Variants in EMID1 observed in about 807,000 individuals in gnomAD.
EMID1 encodes the protein EMI domain containing 1.
Under a neutral mutation model 60.6 loss-of-function variants are expected in EMID1, and 40 were observed. The observed-to-expected ratio is 0.66, with a 90% CI of 0.51 to 0.86. The LOEUF is 0.86. EMID1 is among the 40% of genes least tolerant of loss of function. EMID1 has a pLI of 0.00. For missense variants in EMID1, 585 were observed against 597.1 expected, an observed-to-expected ratio of 0.98 and a Z score of 0.21; for synonymous variants, 242 against 231.0, an observed-to-expected ratio of 1.05 and a Z score of -0.43.
intron 6 of EMID1, 195 bp downstream of exon 6, chr22:29,231,335 A>ACCAAGCAGC (rs2146290191): frequency 2.2e-6 from 2 of 921,818 alleles, no homozygotes; most frequent in Admixed American, 5.0e-5. Context: ...GTCCCTGGAG[A>ACCAAGCAGC]CCAAGCAGCC....
Position 29,255,388 on chromosome 22 carries a change from C to A in EMID1, c.1204+1101C>A, listed in dbSNP as rs530365658. 1.2e-3 allele frequency: 1,760 copies of A among 1,411,040 alleles called. 5 individuals carry two copies. Among genetic ancestry groups the A allele is most frequent in the Non-Finnish European group, 1.5e-3 (1,577 of 1,064,986 alleles). The allele number at this position is 1,411,040 out of a possible 1,614,324, so 87.4% of individuals were successfully genotyped here. ...TAATGGCAGGGCGGGCAGGCAGGGG[C>A]AGCCTCTTCCAGGAAGGGCCTGGAA... On this transcript the variant is annotated intron_variant, in intron 14 of 14. Transcript: ENST00000334018.
chr22:29,247,997 A>G (rs1255867976), intron 13 of EMID1, among the ~76,000 whole-genome samples: 1 of 148,196 alleles, frequency 6.7e-6, no homozygotes, highest in Non-Finnish European at 1.5e-5. Flanking sequence ...AGAAAAGTAC[A>G]GTGGAGTACA....
chr22:29,233,422 C>G lies in EMID1; in HGVS notation c.867C>G (p.His289Gln), dbSNP rs772239627. 212 of 1,614,098 alleles carry G rather than the reference C, an allele frequency of 1.3e-4. 4 individuals are homozygous for G. In the South Asian group the frequency reaches 1.4e-3, roughly 11 times the overall value. Residue 289 changes from histidine to glutamine, a missense_variant, in exon 9 of 15, where the codon CAC becomes CAG. His to Gln is a conservative substitution (Grantham distance 24). Transcript: ENST00000334018. ...ACACCTTCACTGAGACCAACAACCA[C>G]TGGCCCCAGGGACCCACTGGGCCTC... ...LSNTFTETNN[H>Q]WPQGPTGPPG... is the part of the protein sequence containing the mutation.
At chr22:29,224,724 C>T (rs1421438964) in intron 3 of EMID1, among the ~76,000 whole-genome samples, 1 of 152,336 alleles carries the variant, frequency 6.6e-6, no homozygotes, top group South Asian at 2.1e-4. Context: ...TCAGGCCTCA[C>T]CCCAGCCTGG....
At chr22:29,230,482 C>T (rs754842260) in intron 5 of EMID1, among the ~76,000 whole-genome samples, 15 of 152,216 alleles carry the variant, frequency 9.9e-5, no homozygotes, top group Non-Finnish European at 2.2e-4. Flanking sequence ...TCACAAAGCT[C>T]AACTTTGATG....
intron 13 of EMID1, among the ~76,000 whole-genome samples, chr22:29,252,300 T>G (rs2041556966): frequency 6.6e-6 from 1 of 152,238 alleles, no homozygotes; most frequent in Admixed American, 6.5e-5. Flanking sequence ...TCACTCATGA[T>G]GGACATATTG....
At chr22:29,213,017 A>G (rs1479205810) in intron 1 of EMID1, among the ~76,000 whole-genome samples, 2 of 152,232 alleles carry the variant, frequency 1.3e-5, no homozygotes, top group East Asian at 1.9e-4. Context: ...GCTCCCAGAC[A>G]TGGCAGTTTG....
chr22:29,233,795 T>C (rs776227975), intron 10 of EMID1, 129 bp downstream of exon 10: 13 of 924,592 alleles, frequency 1.4e-5, no homozygotes, highest in Non-Finnish European at 2.1e-5. Context: ...CTTCCATTCA[T>C]TCATTCAACA....
At chr22:29,224,260 G>A (rs1000425545) in intron 3 of EMID1, among the ~76,000 whole-genome samples, 4 of 152,208 alleles carry the variant, frequency 2.6e-5, no homozygotes, top group African/African-American at 9.7e-5. Context: ...CCAGGCCCGC[G>A]CCTTATTTGG....
chr22:29,248,183 T>A (rs1390375612), intron 13 of EMID1, among the ~76,000 whole-genome samples: 1 of 151,298 alleles, frequency 6.6e-6, no homozygotes, highest in Non-Finnish European at 1.5e-5. Context: ...GGTCTCAAAC[T>A]CCTGACTTCA....
chr22:29,239,933 T>C (rs1377640445), intron 12 of EMID1, among the ~76,000 whole-genome samples: 2 of 150,930 alleles, frequency 1.3e-5, no homozygotes, highest in Non-Finnish European at 2.9e-5. Context: ...CTAATCAACC[T>C]CCCAAGCAGC....
intron 5 of EMID1, among the ~76,000 whole-genome samples, chr22:29,230,007 T>C (rs1050348244): frequency 6.6e-6 from 1 of 152,208 alleles, no homozygotes; most frequent in Non-Finnish European, 1.5e-5. Flanking sequence ...CAGGTTTCTA[T>C]TTCATGTCAG....
intron 12 of EMID1, among the ~76,000 whole-genome samples, chr22:29,240,408 A>G (rs1447074080): frequency 6.6e-6 from 1 of 152,094 alleles, no homozygotes; most frequent in Non-Finnish European, 1.5e-5. Flanking sequence ...GTCTTGGAAC[A>G]TGTCTGGGGT....
chr22:29,215,738 C>T, intron 3 of EMID1, 108 bp downstream of exon 3: 1 of 839,396 alleles, frequency 1.2e-6, no homozygotes, highest in Non-Finnish European at 1.9e-6. Flanking sequence ...AGTACCATGC[C>T]TGCTGGGGCC....
rs115169340 is a variant in EMID1 at position 29,252,939 on chromosome 22, G to A, written c.1120-1264G>A. On this transcript the variant is annotated intron_variant, in intron 13 of 14. Transcript: ENST00000334018. ...GAAGGGACAGAGTGCTGAGCCTCAG[G>A]TTTCTCAGAATTTTAAGCGCAAGTT... Among the ~76,000 whole-genome samples the A allele has an allele frequency of 7.3e-3, 1,109 of 152,316 alleles. 17 individuals are homozygous for A. The highest frequency in any genetic ancestry group is 0.026 in the African/African-American group (1,061 of 41,566).
In EMID1 at chr22:29,234,478, C is replaced by G. The variant is rs938634813; in HGVS notation, c.1074+129C>G. ...TCTTGTCATTTATTTTCAGATGCTCCCTGTCTCTGAGACTCATTGTCCTCT... is the reference window on the plus strand; with the variant it reads ...TCTTGTCATTTATTTTCAGATGCTCGCTGTCTCTGAGACTCATTGTCCTCT... On this transcript the variant is annotated intron_variant, in intron 12 of 14. Coordinates refer to ENST00000334018, the MANE Select transcript of EMID1 (RefSeq NM_133455.4). 3 of 1,112,894 alleles carry G rather than the reference C, an allele frequency of 2.7e-6. No individual in the cohort carries two copies. The African/African-American group carries it at 4.7e-5, about 18-fold the overall frequency. 68.9% of individuals were successfully genotyped at this position (1,112,894 alleles called of 1,614,324 possible).
intron 1 of EMID1, among the ~76,000 whole-genome samples, chr22:29,212,310 T>G (rs1457715973): frequency 6.6e-6 from 1 of 152,076 alleles, no homozygotes; most frequent in East Asian, 1.9e-4. Flanking sequence ...AAAAAAAATT[T>G]TTTTATAGAG....
chr22:29,245,007 C>G (rs1167095892), intron 13 of EMID1, among the ~76,000 whole-genome samples: 1 of 152,130 alleles, frequency 6.6e-6, no homozygotes, highest in Non-Finnish European at 1.5e-5. Context: ...GCACCCAGTG[C>G]CTGCCTTGCC....
chr22:29,254,004 G>T, intron 13 of EMID1, 199 bp from the exon 14 acceptor site: 3 of 985,450 alleles, frequency 3.0e-6, no homozygotes, highest in Non-Finnish European at 3.6e-6. Flanking sequence ...GTCCTGCAGG[G>T]GTTGCTTCCT....
Sources: gnomAD v4.1 joint callset for allele counts (sites outside exome capture counted in the v4.1 genomes callset) on GRCh38, gnomAD v4.1.1 for gene constraint, MANE v1.5 for transcripts, NCBI Gene and HGNC (gene_info 2026-07-23, HGNC 2026-07-21) for gene names.